The following HEPACAM variants were observed in gnomAD, a reference collection of about 807,000 sequenced individuals.
HEPACAM encodes hepatocyte cell adhesion molecule.
A neutral mutation model predicts 38.3 loss-of-function variants in HEPACAM; 18 were observed. The observed-to-expected ratio is 0.47, with a 90% confidence interval of 0.33 to 0.70. HEPACAM has a LOEUF of 0.70. HEPACAM is among the 30% of genes least tolerant of loss of function. The pLI is 0.03. For synonymous variants in HEPACAM, 216 were observed against 243.1 expected, an observed-to-expected ratio of 0.89 and a Z score of 1.04; for missense variants, 466 against 563.0, an observed-to-expected ratio of 0.83 and a Z score of 1.74.
In HEPACAM at chr11:124,919,530, C is replaced by T. The variant is rs1947094399; in HGVS notation, c.*1608G>A. 1 of 583,950 alleles carries T rather than the reference C, an allele frequency of 1.7e-6. No homozygotes were observed. The highest frequency in any genetic ancestry group is 2.8e-5 in the East Asian group (1 of 35,356). The allele number at this position is 583,950 out of a possible 1,614,324, so 36.2% of individuals were successfully genotyped here. A position where few individuals can be genotyped will look rare whatever the true frequency, so the allele number is the denominator to read the frequency against. Reference sequence around the variant, plus strand: ...ATCCAAGTCCTGCTGCCTCTTCCACCTTCTTGAGAAACTTTTCCCCTACAT... The same window carrying T: ...ATCCAAGTCCTGCTGCCTCTTCCACTTTCTTGAGAAACTTTTCCCCTACAT... On this transcript the variant is annotated 3_prime_UTR_variant, in exon 7 of 7. Coordinates refer to ENST00000298251, the MANE Select transcript of HEPACAM (RefSeq NM_152722.5).
chr11:124,920,868 G>C lies in HEPACAM; in HGVS notation c.*270C>G, dbSNP rs143343787. On this transcript the variant is annotated 3_prime_UTR_variant, in exon 7 of 7. Transcript: ENST00000298251. Reference sequence around the variant, plus strand: ...TTGGGCCAGAAATGTAATAATCTATGTGGTCCTAAGAGGGCACAACCTATA... The same window carrying C: ...TTGGGCCAGAAATGTAATAATCTATCTGGTCCTAAGAGGGCACAACCTATA... 612 of 1,275,336 alleles carry C rather than the reference G, an allele frequency of 4.8e-4. 4 individuals are homozygous for C. In the African/African-American group the frequency reaches 8.8e-3, roughly 18 times the overall value. 79.0% of individuals were successfully genotyped at this position (1,275,336 alleles called of 1,614,324 possible).
In HEPACAM at chr11:124,921,184, A is replaced by C; in HGVS notation, c.1205T>G (p.Ile402Arg). 1 of 1,527,282 alleles carries C rather than the reference A, an allele frequency of 6.5e-7. No individual in the cohort carries two copies. Among genetic ancestry groups the C allele is most frequent in the Non-Finnish European group, 8.7e-7 (1 of 1,144,246 alleles). The allele number at this position is 1,527,282 out of a possible 1,614,324, so 94.6% of individuals were successfully genotyped here. Residue 402 changes from isoleucine to arginine, a missense_variant, in exon 7 of 7, where the codon ATA becomes AGA. Transcript: ENST00000298251. The surrounding 1 kb of genome is among the most constrained non-coding windows in gnomAD (Gnocchi z 4.6). Reference sequence around the variant, plus strand: ...GCCGGCCTCGTCTTGCTCGCGGATTATGTGCACGCCCGCAGTCCGCAGTGT... The same window carrying C: ...GCCGGCCTCGTCTTGCTCGCGGATTCTGTGCACGCCCGCAGTCCGCAGTGT... Reference protein sequence around the residue: ...SRTLRTAGVHIIREQDEAGPV... With the variant: ...SRTLRTAGVHRIREQDEAGPV...
At chr11:124,931,283 C>T (rs1029607549) in intron 1 of HEPACAM, among the ~76,000 whole-genome samples, 7 of 152,212 alleles carry the variant, frequency 4.6e-5, no homozygotes, top group Non-Finnish European at 7.3e-5. Context: ...TCATACCTCA[C>T]TGCAGCCTCA....
Position 124,921,443 on chromosome 11 carries a change from G to C in HEPACAM, c.949-3C>G, listed in dbSNP as rs1028299747. ...TTCTCCTCGGTCTCCGGGGAGTCCT[G>C]CAAGGACACGCGCCGCAGGGGTCAG... On this transcript the variant is annotated splice_region_variant and splice_polypyrimidine_tract_variant and intron_variant, in intron 6 of 6. Coordinates refer to ENST00000298251, the MANE Select transcript of HEPACAM (RefSeq NM_152722.5). The surrounding 1 kb of genome is among the most constrained non-coding windows in gnomAD (Gnocchi z 4.6). 7.9e-7 allele frequency: 1 copy of C among 1,264,610 alleles called. No individual in the cohort carries two copies. 78.3% of individuals were successfully genotyped at this position (1,264,610 alleles called of 1,614,324 possible).
At chr11:124,927,518 TTTTTG>T (rs1947230598) in intron 1 of HEPACAM, among the ~76,000 whole-genome samples, 5 of 127,220 alleles carry the variant, frequency 3.9e-5, no homozygotes, top group South Asian at 2.8e-4. Flanking sequence ...AGGTTTTTTT[TTTTTG>T]TTTTTTTTTT....
At chr11:124,925,628 T>C (rs959117451) in intron 1 of HEPACAM, among the ~76,000 whole-genome samples, 16 of 152,162 alleles carry the variant, frequency 1.1e-4, no homozygotes, top group Non-Finnish European at 2.9e-5. Context: ...TTTAGGGGCC[T>C]GAAGACCACT....
chr11:124,934,158 T>C lies in HEPACAM; in HGVS notation c.85+1764A>G, dbSNP rs1272957204. The stretch of plus-strand genomic sequence containing the variant: ...AAACATGTATGATACTCATTTTTTT[T>C]GTTTAAGGTTTCACACAGCAATCCT... On this transcript the variant is annotated intron_variant, in intron 1 of 6. Transcript: ENST00000298251. 3.9e-5 allele frequency among the ~76,000 whole-genome samples: 6 copies of C among 152,190 alleles called. No individual in the cohort carries two copies. In the South Asian group the frequency reaches 1.2e-3, roughly 32 times the overall value.
At position 124,920,688 on chromosome 11, in the gene HEPACAM, A is replaced by G. The variant is rs1182825306; in HGVS notation, c.*450T>C. The G allele has an allele frequency of 9.9e-7, 1 of 1,005,386 alleles. No individual in the cohort carries two copies. The highest frequency in any genetic ancestry group is 1.2e-6 in the Non-Finnish European group (1 of 837,980). The allele number at this position is 1,005,386 out of a possible 1,614,324, so 62.3% of individuals were successfully genotyped here. ...TCTAATCTGAACTTGCAAAAAAAAAAAAAAAAAAAAAAAAAAAAAAAGTGC... is the reference window on the plus strand; with the variant it reads ...TCTAATCTGAACTTGCAAAAAAAAAGAAAAAAAAAAAAAAAAAAAAAGTGC... On this transcript the variant is annotated 3_prime_UTR_variant, in exon 7 of 7. Transcript: ENST00000298251.
Position 124,921,445 on chromosome 11 carries a change from A to G in HEPACAM, c.949-5T>C. The stretch of plus-strand genomic sequence containing the variant: ...CTCCTCGGTCTCCGGGGAGTCCTGC[A>G]AGGACACGCGCCGCAGGGGTCAGGG... On this transcript the variant is annotated splice_region_variant and splice_polypyrimidine_tract_variant and intron_variant, in intron 6 of 6. Coordinates refer to ENST00000298251, the MANE Select transcript of HEPACAM (RefSeq NM_152722.5). This position sits in a 1 kb window ranked among gnomAD's most constrained non-coding sequence, Gnocchi z 4.6. 7.9e-7 allele frequency: 1 copy of G among 1,264,836 alleles called. No individual in the cohort carries two copies. The highest frequency in any genetic ancestry group is 3.4e-5 in the South Asian group (1 of 29,568). 78.4% of individuals were successfully genotyped at this position (1,264,836 alleles called of 1,614,324 possible). A position where few individuals can be genotyped will look rare whatever the true frequency, so the allele number is the denominator to read the frequency against.
chr11:124,924,126 G>A lies in HEPACAM; in HGVS notation c.428-116C>T. 1 of 992,206 alleles carries A rather than the reference G, an allele frequency of 1.0e-6. No homozygotes were observed. Among genetic ancestry groups the A allele is most frequent in the Non-Finnish European group, 1.5e-6 (1 of 655,142 alleles). 61.5% of individuals were successfully genotyped at this position (992,206 alleles called of 1,614,324 possible). Reference sequence around the variant, plus strand: ...AACACTACCTTCCAACTCAATCTGTGGGCTGAGAAGACTTCAGACATCCTA... The same window carrying A: ...AACACTACCTTCCAACTCAATCTGTAGGCTGAGAAGACTTCAGACATCCTA... On this transcript the variant is annotated intron_variant, in intron 2 of 6. Transcript: ENST00000298251. This position sits in a 1 kb window ranked among gnomAD's most constrained non-coding sequence, Gnocchi z 4.4.
intron 1 of HEPACAM, among the ~76,000 whole-genome samples, chr11:124,929,505 G>C (rs535006419): frequency 6.6e-6 from 1 of 152,164 alleles, no homozygotes; most frequent in African/African-American, 2.4e-5. Context: ...GCCAAAGCAC[G>C]ACACAGAAAT....
chr11:124,925,663 C>G (rs570201722), intron 1 of HEPACAM, among the ~76,000 whole-genome samples: 1 of 152,140 alleles, frequency 6.6e-6, no homozygotes, highest in Non-Finnish European at 1.5e-5. Context: ...AGAGCCTCTT[C>G]CCGTTTTTTT....
chr11:124,923,949 G>A lies in HEPACAM; in HGVS notation c.489C>T (p.Ala163=). 1 of 1,612,392 alleles carries A rather than the reference G, an allele frequency of 6.2e-7. No homozygotes were observed. Among genetic ancestry groups the A allele is most frequent in the Non-Finnish European group, 8.5e-7 (1 of 1,179,996 alleles). ...TCTCATGTGAGCAGTTCAAGGTGAA[G>A]GCCTCGCTGAGCTCCAGCACAGTGG... ...ASTTVLELSE[A]FTLNCSHENG... is the part of the protein sequence containing the mutation. Residue 163 remains alanine, a synonymous_variant, in exon 3 of 7, where the codon GCC becomes GCT. Transcript: ENST00000298251.
chr11:124,927,439 A>G lies in HEPACAM; in HGVS notation c.86-2370T>C, dbSNP rs150807398. On this transcript the variant is annotated intron_variant, in intron 1 of 6. Transcript: ENST00000298251. ...CTAACTGCAACCTCTGCCTCCCAGG[A>G]TCCAGCGATCCTCCCACCTCAGCCT... 6.7e-3 allele frequency among the ~76,000 whole-genome samples: 982 copies of G among 147,418 alleles called. 14 individuals are homozygous for G. The highest frequency in any genetic ancestry group is 0.024 in the African/African-American group (947 of 39,960).
In HEPACAM at chr11:124,919,927, C is replaced by T. The variant is rs1240916707; in HGVS notation, c.*1211G>A. 1 of 1,613,972 alleles carries T rather than the reference C, an allele frequency of 6.2e-7. No homozygotes were observed. Among genetic ancestry groups the T allele is most frequent in the East Asian group, 2.2e-5 (1 of 44,894 alleles). ...CCCTCTCTCCTCACACAGTAGATTACTGCCACTCCTATGAACTGTTCAATA... is the reference window on the plus strand; with the variant it reads ...CCCTCTCTCCTCACACAGTAGATTATTGCCACTCCTATGAACTGTTCAATA... On this transcript the variant is annotated 3_prime_UTR_variant, in exon 7 of 7. Transcript: ENST00000298251.
chr11:124,920,678 C>CAAAAAAAAAAA lies in HEPACAM; in HGVS notation c.*449_*459dup, dbSNP rs71042463. On this transcript the variant is annotated 3_prime_UTR_variant, in exon 7 of 7. Transcript: ENST00000298251. ...AAGTGGCCTCTCTAATCTGAACTTG[C>CAAAAAAAAAAA]AAAAAAAAAAAAAAAAAAAAAAAAA... The CAAAAAAAAAAA allele has an allele frequency of 8.7e-5, 50 of 575,138 alleles. No individual in the cohort carries two copies. Among genetic ancestry groups the CAAAAAAAAAAA allele is most frequent in the African/African-American group, 1.4e-4 (3 of 21,526 alleles). 35.6% of individuals were successfully genotyped at this position (575,138 alleles called of 1,614,324 possible).
intron 1 of HEPACAM, among the ~76,000 whole-genome samples, chr11:124,929,571 C>T (rs573410712): frequency 6.6e-6 from 1 of 152,160 alleles, no homozygotes; most frequent in Non-Finnish European, 1.5e-5. Flanking sequence ...TAGGACCACT[C>T]AACCTTGAGA....
intron 5 of HEPACAM, 64 bp from the exon 6 acceptor site, chr11:124,922,522 A>G: frequency 1.3e-6 from 2 of 1,596,522 alleles, no homozygotes; most frequent in Non-Finnish European, 1.7e-6. Flanking sequence ...GCCGGCACCT[A>G]CTCTCTGTGC....
Position 124,921,143 on chromosome 11 carries a change from C to T in HEPACAM, c.1246G>A (p.Ala416Thr). The T allele has an allele frequency of 6.5e-7, 1 of 1,526,784 alleles. No individual in the cohort carries two copies. Among genetic ancestry groups the T allele is most frequent in the Non-Finnish European group, 8.7e-7 (1 of 1,143,850 alleles). The allele number at this position is 1,526,784 out of a possible 1,614,324, so 94.6% of individuals were successfully genotyped here. A position where few individuals can be genotyped will look rare whatever the true frequency, so the allele number is the denominator to read the frequency against. The change falls in exon 7 of 7, where the codon GCC becomes ACC. Residue 416 changes from alanine (A) to threonine (T), a missense_variant. By Grantham distance (58) the Ala-to-Thr change is moderately conservative. Transcript: ENST00000298251. The surrounding 1 kb of genome is among the most constrained non-coding windows in gnomAD (Gnocchi z 4.6). ...QDEAGPVEISA is the reference protein window; with the variant it reads ...QDEAGPVEIST ...TCAGGGGATCCCGAGGCGGCTCAGG[C>T]GCTGATCTCCACCGGGCCGGCCTCG...
Sources: allele counts gnomAD v4.1 joint callset (sites outside exome capture counted in the v4.1 genomes callset), GRCh38; gene constraint gnomAD v4.1.1; non-coding constraint Gnocchi (gnomAD v3.1); transcripts MANE v1.5; gene names NCBI Gene and HGNC (gene_info 2026-07-23, HGNC 2026-07-21).